HEMK2: variants seen among roughly 807,000 people sequenced by gnomAD.
The protein encoded by HEMK2 is HemK methyltransferase 2, ETF1 glutamine and histone H4 lysine, also known as methyltransferase HEMK2.
the HEMK2 span, among the ~76,000 whole-genome samples, chr21:28,717,815 C>T: frequency 1.2e-4 from 18 of 152,104 alleles, no homozygotes; most frequent in African/African-American, 4.3e-4. Context: ...TTTGGATCTT[C>T]TCTCTTTTTT....
At chr21:28,641,093 C>T in the HEMK2 span, among the ~76,000 whole-genome samples, 3 of 152,048 alleles carry the variant, frequency 2.0e-5, no homozygotes, top group African/African-American at 7.2e-5. Context: ...ATGCTTTTTT[C>T]ATCTGTCATT....
At chr21:28,877,273 G>A in the HEMK2 span, among the ~76,000 whole-genome samples, 22,354 of 132,630 alleles carry the variant, frequency 0.17, 2,143 homozygotes, top group South Asian at 0.24. Context: ...AGGAAGGAAG[G>A]AAGGAAGGAA....
the HEMK2 span, among the ~76,000 whole-genome samples, chr21:28,686,164 A>G: frequency 1.6e-4 from 25 of 152,022 alleles, no homozygotes; most frequent in African/African-American, 6.0e-4. Context: ...TTATAGTGAA[A>G]ATTTACTACT....
the HEMK2 span, among the ~76,000 whole-genome samples, chr21:28,768,687 C>A: frequency 6.6e-6 from 1 of 151,990 alleles, no homozygotes; most frequent in Non-Finnish European, 1.5e-5. Context: ...CCTTTCCCTC[C>A]AGTTTCTTGA....
the HEMK2 span, among the ~76,000 whole-genome samples, chr21:28,597,047 T>C: frequency 1.6e-4 from 24 of 152,188 alleles, no homozygotes; most frequent in African/African-American, 5.8e-4. Flanking sequence ...TCAGTCACTT[T>C]GGGAAATCAA....
chr21:28,788,250 A>G, the HEMK2 span, among the ~76,000 whole-genome samples: 92 of 148,526 alleles, frequency 6.2e-4, no homozygotes, highest in African/African-American at 2.3e-3. Context: ...ATATATGTAT[A>G]TATGTATACA....
At chr21:28,611,102 T>C in the HEMK2 span, among the ~76,000 whole-genome samples, 1 of 152,212 alleles carries the variant, frequency 6.6e-6, no homozygotes, top group African/African-American at 2.4e-5. Flanking sequence ...ATTTACATTC[T>C]ATCCATCAGC....
At chr21:28,582,824 A>G in the HEMK2 span, among the ~76,000 whole-genome samples, 2 of 152,214 alleles carry the variant, frequency 1.3e-5, no homozygotes, top group Admixed American at 6.5e-5. Context: ...CCCTGATGGT[A>G]TAAAAAATCA....
At chr21:28,821,892 T>A in the HEMK2 span, among the ~76,000 whole-genome samples, 1 of 152,250 alleles carries the variant, frequency 6.6e-6, no homozygotes, top group Non-Finnish European at 1.5e-5. Context: ...CATTTGTTAG[T>A]GGCAACACTT....
chr21:28,803,606 A>C, the HEMK2 span, among the ~76,000 whole-genome samples: 1 of 152,144 alleles, frequency 6.6e-6, no homozygotes, highest in Non-Finnish European at 1.5e-5. Context: ...TGCCCAGAAA[A>C]ACACATTTTA....
At chr21:28,732,581 G>A in the HEMK2 span, among the ~76,000 whole-genome samples, 14 of 152,136 alleles carry the variant, frequency 9.2e-5, no homozygotes, top group South Asian at 2.1e-4. Context: ...CTCTTCCCTC[G>A]CCCAGAAAAA....
At chr21:28,794,827 T>C in the HEMK2 span, among the ~76,000 whole-genome samples, 3 of 152,330 alleles carry the variant, frequency 2.0e-5, no homozygotes, top group East Asian at 5.8e-4. Flanking sequence ...GGGGGTTCTA[T>C]GTAACATGAG....
the HEMK2 span, chr21:28,879,895 G>C: frequency 1.9e-5 from 31 of 1,598,744 alleles, no homozygotes; most frequent in African/African-American, 1.1e-4. Context: ...CACTACATAG[G>C]GGGGATTAAA....
chr21:28,614,578 C>T, the HEMK2 span, among the ~76,000 whole-genome samples: 4 of 152,168 alleles, frequency 2.6e-5, no homozygotes, highest in East Asian at 1.9e-4. Context: ...TTGGGCTCTA[C>T]GGCTATTAAG....
At chr21:28,773,714 T>A in the HEMK2 span, among the ~76,000 whole-genome samples, 4 of 152,146 alleles carry the variant, frequency 2.6e-5, no homozygotes, top group Non-Finnish European at 4.4e-5. Context: ...ACAAGGATCA[T>A]CTCTGGGAAA....
the HEMK2 span, among the ~76,000 whole-genome samples, chr21:28,735,639 G>A: frequency 9.2e-5 from 14 of 152,206 alleles, no homozygotes; most frequent in South Asian, 1.0e-3. Context: ...TTGGGGAGGC[G>A]GATTTTCTGT....
the HEMK2 span, chr21:28,882,230 T>C: frequency 6.2e-7 from 1 of 1,611,074 alleles, no homozygotes; most frequent in East Asian, 2.2e-5. Flanking sequence ...AGCTGCTGCC[T>C]CAGGGTTGAT....
the HEMK2 span, among the ~76,000 whole-genome samples, chr21:28,800,625 T>C: frequency 6.6e-6 from 1 of 152,208 alleles, no homozygotes; most frequent in Non-Finnish European, 1.5e-5. Flanking sequence ...TTTGTGTGTA[T>C]ATATCTGTAA....
chr21:28,778,115 C>T, the HEMK2 span, among the ~76,000 whole-genome samples: 1 of 152,182 alleles, frequency 6.6e-6, no homozygotes, highest in East Asian at 1.9e-4. Flanking sequence ...TATAACCACA[C>T]TCACCTCTTT....
Sources: gnomAD v4.1 joint callset for allele counts (sites outside exome capture counted in the v4.1 genomes callset) on GRCh38, gnomAD v4.1.1 for gene constraint, MANE v1.5 for transcripts, NCBI Gene and HGNC (gene_info 2026-07-23, HGNC 2026-07-21) for gene names.